Variants in OOEP observed in about 807,000 individuals in gnomAD.
The protein encoded by OOEP is oocyte expressed protein, also known as oocyte-expressed protein homolog.
A neutral mutation model predicts 13.7 loss-of-function variants in OOEP; 16 were observed. The ratio of observed to expected loss-of-function variants is 1.16; its 90% CI spans 0.79 to 1.77. OOEP has a LOEUF of 1.77. Ranked by LOEUF, OOEP falls within the 40% of genes most tolerant of loss-of-function variation. The pLI is 0.00. For synonymous variants in OOEP, 89 were observed against 77.1 expected (o/e 1.15, Z -0.81); for missense variants, 195 against 193.1 (o/e 1.01, Z -0.06).
At chr6:73,391,784 G>T (rs887971269) in intron 2 of OOEP, 9 of 152,338 alleles carry the variant, frequency 5.9e-5, no homozygotes, top group African/African-American at 2.2e-4. Flanking sequence ...GCAGCTGATT[G>T]TCTCTGAGGC....
rs1275969790 is a variant in OOEP, at chr6:73,369,127, G to A, written c.370+79C>T. ...ACCAAGAAATTTTGAGAAGGTTAAG[G>A]GAGGATGGAAGGAAACCGAGCAAGG... On this transcript the variant is annotated intron_variant, in intron 2 of 2. Transcript: ENST00000370359. 4.2e-6 allele frequency: 6 copies of A among 1,434,726 alleles called. No homozygotes were observed. In the Admixed American group the frequency reaches 1.0e-4, roughly 25 times the overall value. 88.9% of individuals were successfully genotyped at this position (1,434,726 alleles called of 1,614,324 possible). A position where few individuals can be genotyped will look rare whatever the true frequency, so the allele number is the denominator to read the frequency against.
At chr6:73,383,916 T>G (rs1769237230) in intron 2 of OOEP, among the ~76,000 whole-genome samples, 1 of 151,434 alleles carries the variant, frequency 6.6e-6, no homozygotes, top group African/African-American at 2.4e-5. Context: ...AGCAACATAA[T>G]GAAACCCCAT....
chr6:73,389,708 G>T (rs1292868972), intron 2 of OOEP, among the ~76,000 whole-genome samples: 5 of 145,414 alleles, frequency 3.4e-5, no homozygotes, highest in African/African-American at 7.7e-5. Flanking sequence ...GTGGGGGGAG[G>T]GGGGAAGGGA....
chr6:73,369,811 G>C lies in OOEP; in HGVS notation c.-19C>G, dbSNP rs771497385. The stretch of plus-strand genomic sequence containing the variant: ...CGACCATACTGGGACCAGCAGCCGC[G>C]GAGCGCGCTCGAGGCGGCTTTCGCA... On this transcript the variant is annotated 5_prime_UTR_variant, in exon 1 of 3. Coordinates refer to ENST00000370359, the MANE Select transcript of OOEP (RefSeq NM_001080507.3). 2.5e-6 allele frequency: 4 copies of C among 1,605,272 alleles called. No homozygotes were observed. The highest frequency in any genetic ancestry group is 3.4e-6 in the Non-Finnish European group (4 of 1,174,494).
intron 2 of OOEP, among the ~76,000 whole-genome samples, chr6:73,376,705 G>A (rs1769144505): frequency 1.3e-5 from 2 of 152,188 alleles, no homozygotes; most frequent in South Asian, 4.1e-4. Flanking sequence ...AGGCTGGAGT[G>A]CACTGGTGCG....
At chr6:73,394,772 C>CG (rs3832419) in exon 1 of OOEP, 206,895 of 1,284,054 alleles carry the variant, frequency 0.16, 17,761 homozygotes, top group Non-Finnish European at 0.18. Flanking sequence ...AGAGCGTGGG[C>CG]GGGGGGGCTA....
chr6:73,393,149 T>G (rs1769374323), intron 2 of OOEP, among the ~76,000 whole-genome samples: 1 of 151,942 alleles, frequency 6.6e-6, no homozygotes, highest in Non-Finnish European at 1.5e-5. Context: ...TCTGCTCTGT[T>G]GCCCAGACTG....
intron 2 of OOEP, among the ~76,000 whole-genome samples, chr6:73,377,393 T>C (rs1769150651): frequency 6.6e-6 from 1 of 151,390 alleles, no homozygotes; most frequent in Non-Finnish European, 1.5e-5. Flanking sequence ...GGCTTTATTA[T>C]CTGCCTCAGG....
intron 2 of OOEP, among the ~76,000 whole-genome samples, chr6:73,375,976 G>T (rs961199536): frequency 6.6e-6 from 1 of 151,814 alleles, no homozygotes; most frequent in African/African-American, 2.4e-5. Flanking sequence ...TAAAGACGGG[G>T]TTTTACCATG....
upstream of OOEP, among the ~76,000 whole-genome samples, chr6:73,374,048 G>T (rs575108495): frequency 2.0e-5 from 3 of 152,068 alleles, no homozygotes; most frequent in Admixed American, 2.0e-4. Flanking sequence ...ATAATTAGCT[G>T]GTTGTGGTGA....
chr6:73,375,718 C>T (rs1769129963), intron 2 of OOEP, among the ~76,000 whole-genome samples: 1 of 150,878 alleles, frequency 6.6e-6, no homozygotes, highest in African/African-American at 2.4e-5. Context: ...GAGACAGACA[C>T]AGATAAAACC....
At chr6:73,387,706 C>T (rs1408956652) in intron 2 of OOEP, 2 of 151,944 alleles carry the variant, frequency 1.3e-5, no homozygotes, top group African/African-American at 4.8e-5. Context: ...ATTCTCCTGC[C>T]TCAGCCTCCC....
At chr6:73,376,344 G>GTTTTTTTTTTTTTT (rs70994194) in intron 2 of OOEP, among the ~76,000 whole-genome samples, 8 of 103,524 alleles carry the variant, frequency 7.7e-5, no homozygotes, top group East Asian at 5.9e-4. Context: ...ACAAGGGGTT[G>GTTTTTTTTTTTTTT]TTTTTTTTTT....
exon 1 of OOEP, chr6:73,394,875 A>T: frequency 1.9e-6 from 3 of 1,610,104 alleles, no homozygotes; most frequent in Non-Finnish European, 2.5e-6. Flanking sequence ...GCTGGACGGC[A>T]ACGACGTCGG....
intron 1 of OOEP, 41 bp from the exon 2 acceptor site, chr6:73,369,426 C>A: frequency 1.3e-6 from 2 of 1,580,290 alleles, no homozygotes; most frequent in South Asian, 1.2e-5. Flanking sequence ...TGCACGGTGG[C>A]AGGTTAGAAG....
chr6:73,386,161 G>A (rs1179215968), intron 2 of OOEP, among the ~76,000 whole-genome samples: 1 of 146,748 alleles, frequency 6.8e-6, no homozygotes, highest in Non-Finnish European at 1.5e-5. Flanking sequence ...ATGGCGCGAT[G>A]TTGGCTCACT....
intron 2 of OOEP, 84 bp downstream of exon 2, chr6:73,369,122 T>A: frequency 7.1e-7 from 1 of 1,413,902 alleles, no homozygotes; most frequent in Non-Finnish European, 9.7e-7. Context: ...TTTGAGAAGG[T>A]TAAGGGAGGA....
intron 2 of OOEP, among the ~76,000 whole-genome samples, chr6:73,381,205 T>TAAAAAAAAAAAAAAAAAAAAAAAAGAAA (rs66507015): frequency 9.9e-6 from 1 of 101,000 alleles, no homozygotes; most frequent in Non-Finnish European, 1.9e-5. Flanking sequence ...AAAAAAGTGT[T>TAAAAAAAAAAAAAAAAAAAAAAAAGAAA]AAAAAAAAAA....
At chr6:73,373,148 G>A, upstream of OOEP, 2 of 1,610,264 alleles carry the variant, frequency 1.2e-6, no homozygotes, top group Non-Finnish European at 1.7e-6. Context: ...TCTCCTTTTG[G>A]AGTTGTACCT....
Sources: allele counts gnomAD v4.1 joint callset (sites outside exome capture counted in the v4.1 genomes callset), GRCh38; gene constraint gnomAD v4.1.1; transcripts MANE v1.5; gene names NCBI Gene and HGNC (gene_info 2026-07-23, HGNC 2026-07-21).